PER3: variants seen among roughly 807,000 people sequenced by gnomAD.
The protein encoded by PER3 is period circadian protein homolog 3.
Under a neutral mutation model 127.2 loss-of-function variants are expected in PER3, and 107 were observed. That is an observed-to-expected ratio of 0.84 (90% CI 0.72 to 0.99). The LOEUF (loss-of-function observed/expected upper bound fraction) is 0.99, where lower values mean the gene tolerates loss of function less well. PER3 is among the 50% of genes least tolerant of loss of function. The pLI, the probability that PER3 is intolerant of heterozygous loss-of-function variation, is 0.00. For synonymous variants in PER3, 618 were observed against 585.8 expected (o/e 1.05, Z -0.79); for missense variants, 1,560 against 1,525.8 (o/e 1.02, Z -0.37).
At position 7,839,116 on chromosome 1, in the gene PER3, A is replaced by G. The variant is rs544786941; in HGVS notation, c.3549+1967A>G. Among the ~76,000 whole-genome samples, 4 of 151,988 alleles carry G rather than the reference A, an allele frequency of 2.6e-5. No homozygotes were observed. In the South Asian group the frequency reaches 8.3e-4, roughly 31 times the overall value. On this transcript the variant is annotated intron_variant, in intron 21 of 21. Transcript: ENST00000377532. ...TTCCTGTTGTGTATATTGTGTAGCT[A>G]TTTTCATTGCGATAACCATGGGGAT...
chr1:7,784,922 G>T lies in PER3; in HGVS notation c.45G>T (p.Lys15Asn). Residue 15 changes from lysine (K) to asparagine (N), a missense_variant, in exon 2 of 22, where the codon AAG becomes AAT. Coordinates refer to ENST00000377532, the MANE Select transcript of PER3 (RefSeq NM_001377275.1). ...CTGGCCCCGGGAGACGGGGGGCTAA[G>T]GACGAGGCCCTGGGCGAAGAATCGG... ...EAPGPGRRGA[K>N]DEALGEESGE... 6.5e-7 allele frequency: 1 copy of T among 1,534,340 alleles called. No individual in the cohort carries two copies. Among genetic ancestry groups the T allele is most frequent in the Admixed American group, 2.5e-5 (1 of 40,270 alleles).
rs34144861 is a variant in PER3, at chr1:7,815,991, CAAAAAAAA to C, written c.1523-3275_1523-3268del. On this transcript the variant is annotated intron_variant, in intron 13 of 21. Transcript: ENST00000377532. ...CTGGGCGACAGAGCGGACTCCGTCT[CAAAAAAAA>C]AAAAAAAAAAAAAAAAAATTGAATT... 9.0e-3 allele frequency among the ~76,000 whole-genome samples: 607 copies of C among 67,688 alleles called. 8 individuals carry two copies. The highest frequency in any genetic ancestry group is 0.041 in the African/African-American group (558 of 13,758). 44.4% of individuals were successfully genotyped at this position (67,688 alleles called of 152,430 possible). A position where few individuals can be genotyped will look rare whatever the true frequency, so the allele number is the denominator to read the frequency against.
At chr1:7,806,377 C>T (rs1210224276) in intron 10 of PER3, among the ~76,000 whole-genome samples, 1 of 152,172 alleles carries the variant, frequency 6.6e-6, no homozygotes, top group Non-Finnish European at 1.5e-5. Context: ...TTCTCTCTTA[C>T]TCCTACTTCA....
chr1:7,837,040 A>G lies in PER3; in HGVS notation c.3440A>G (p.Glu1147Gly), dbSNP rs2097361970. 4 of 1,614,034 alleles carry G rather than the reference A, an allele frequency of 2.5e-6. No homozygotes were observed. The highest frequency in any genetic ancestry group is 3.4e-6 in the Non-Finnish European group (4 of 1,179,944). Residue 1147 changes from glutamate (E) to glycine (G), a missense_variant, in exon 21 of 22, where the codon GAA (glutamate) becomes GGA (glycine). Physicochemically the swap from Glu to Gly is moderately conservative, Grantham distance 98. Coordinates refer to ENST00000377532, the MANE Select transcript of PER3 (RefSeq NM_001377275.1). ...VVLKEDLEKLESMRQQQPQFS... is the reference protein window; with the variant it reads ...VVLKEDLEKLGSMRQQQPQFS... ...CTAAAAGAAGACCTGGAAAAGCTAG[A>G]AAGTATGAGGCAGCAGCAGCCCCAG...
intron 6 of PER3, among the ~76,000 whole-genome samples, chr1:7,797,636 TAAAAAAA>T (rs34920317): frequency 7.9e-6 from 1 of 126,666 alleles, no homozygotes; most frequent in Admixed American, 7.8e-5. Context: ...ACTCCGTCTT[TAAAAAAA>T]AAAAAAAAAG....
intron 21 of PER3, among the ~76,000 whole-genome samples, chr1:7,837,638 AT>A (rs1174795486): frequency 6.6e-6 from 1 of 152,230 alleles, no homozygotes; most frequent in Middle Eastern, 3.2e-3. Flanking sequence ...TTATTTGTGA[AT>A]AGCCTGAACA....
At position 7,830,122 on chromosome 1, in the gene PER3, C is replaced by T; in HGVS notation, c.3175C>T (p.Pro1059Ser). ...TATVLSTGSP[P>S]SESPSRTGSA... ...CACTGTTCTGTCCACGGGGTCACCT[C>T]CCAGCGAATCCCCATCCAGAACTGG... is the stretch of plus-strand genomic sequence containing the variant. The change falls in exon 19 of 22, where the codon CCC becomes TCC. Residue 1059 changes from proline to serine, a missense_variant. By Grantham distance (74) the Pro-to-Ser change is moderately conservative. Coordinates refer to ENST00000377532, the MANE Select transcript of PER3 (RefSeq NM_001377275.1). The T allele has an allele frequency of 6.2e-7, 1 of 1,614,200 alleles. No homozygotes were observed. Among genetic ancestry groups the T allele is most frequent in the Non-Finnish European group, 8.5e-7 (1 of 1,180,014 alleles).
rs2097403922 is a variant in PER3, at chr1:7,844,769, G to A, written c.*2014G>A. 6.5e-6 allele frequency: 1 copy of A among 152,752 alleles called. No homozygotes were observed. The highest frequency in any genetic ancestry group is 2.4e-5 in the African/African-American group (1 of 41,472). The allele number at this position is 152,752 out of a possible 1,614,324, so 9.5% of individuals were successfully genotyped here. ...CACTCCCAGGTTGCACCTGCTGCTG[G>A]CGGTGAGCAGGGGGTTCAGCAGCTT... On this transcript the variant is annotated 3_prime_UTR_variant, in exon 22 of 22. Transcript: ENST00000377532.
At chr1:7,800,235 C>G (rs1218814673) in intron 7 of PER3, among the ~76,000 whole-genome samples, 1 of 146,678 alleles carries the variant, frequency 6.8e-6, no homozygotes, top group Non-Finnish European at 1.5e-5. Flanking sequence ...TTTCTTGAGT[C>G]TCGCTCTGTT....
intron 21 of PER3, among the ~76,000 whole-genome samples, chr1:7,842,446 G>A (rs559191743): frequency 1.3e-5 from 2 of 152,040 alleles, no homozygotes; most frequent in African/African-American, 4.8e-5. Context: ...GTTGCAGTGA[G>A]CTGAGATCGC....
In PER3 at chr1:7,803,760, T is replaced by G; in HGVS notation, c.1048T>G (p.Tyr350Asp). The G allele has an allele frequency of 6.2e-7, 1 of 1,611,302 alleles. No homozygotes were observed. Among genetic ancestry groups the G allele is most frequent in the Non-Finnish European group, 8.5e-7 (1 of 1,177,354 alleles). ...TCGATTTTGTACTCAAAACGGAGACTACATCATACTGGATTCCAGTTGGTC... is the reference window on the plus strand; with the variant it reads ...TCGATTTTGTACTCAAAACGGAGACGACATCATACTGGATTCCAGTTGGTC... ...PIRFCTQNGD[Y>D]IILDSSWSSF... The change falls in exon 10 of 22, where the codon TAC becomes GAC. Residue 350 changes from tyrosine (Y) to aspartate (D), a missense_variant. Physicochemically the swap from Tyr to Asp is radical, Grantham distance 160. Coordinates refer to ENST00000377532, the MANE Select transcript of PER3 (RefSeq NM_001377275.1).
intron 11 of PER3, among the ~76,000 whole-genome samples, chr1:7,809,395 G>A (rs2097209300): frequency 6.6e-6 from 1 of 152,114 alleles, no homozygotes; most frequent in Non-Finnish European, 1.5e-5. Flanking sequence ...TGTATGTGTT[G>A]AAATAACTAA....
chr1:7,812,217 T>G (rs374371304), intron 13 of PER3, among the ~76,000 whole-genome samples: 173 of 152,284 alleles, frequency 1.1e-3, no homozygotes, highest in African/African-American at 4.1e-3. Flanking sequence ...ACTTGCTGCA[T>G]TATTCAGTTT....
intron 19 of PER3, among the ~76,000 whole-genome samples, chr1:7,834,315 G>A (rs954646947): frequency 1.3e-5 from 2 of 152,054 alleles, no homozygotes; most frequent in East Asian, 1.9e-4. Flanking sequence ...ACCTTAAGAC[G>A]GAGTACTTCC....
chr1:7,792,937 G>C (rs1218627877), intron 5 of PER3, among the ~76,000 whole-genome samples: 2 of 152,198 alleles, frequency 1.3e-5, no homozygotes, highest in African/African-American at 4.8e-5. Context: ...CTGGTGTGAT[G>C]AATAAATGGT....
intron 19 of PER3, among the ~76,000 whole-genome samples, chr1:7,833,449 G>A (rs969285667): frequency 6.6e-6 from 1 of 152,090 alleles, no homozygotes; most frequent in Admixed American, 6.5e-5. Flanking sequence ...CTTTTATTAG[G>A]TGCATATACA....
chr1:7,816,314 G>C (rs2097251206), intron 13 of PER3, among the ~76,000 whole-genome samples: 1 of 151,978 alleles, frequency 6.6e-6, no homozygotes, highest in Non-Finnish European at 1.5e-5. Context: ...GAAAAGAAAG[G>C]AAGGACAGGT....
In PER3 at chr1:7,803,087, G is replaced by A. The variant is rs1265152257; in HGVS notation, c.913G>A (p.Gly305Arg). 6.2e-7 allele frequency: 1 copy of A among 1,613,600 alleles called. No homozygotes were observed. Among genetic ancestry groups the A allele is most frequent in the South Asian group, 1.1e-5 (1 of 91,076 alleles). Residue 305 changes from glycine (G) to arginine (R), a missense_variant, in exon 9 of 22, where the codon GGA becomes AGA. By Grantham distance (125) the Gly-to-Arg change is moderately radical. Transcript: ENST00000377532. ...GGGTTACCTACCTCAGGACCTGATT[G>A]GAACATCGATCCTAAGCTACCTGCA... is the stretch of plus-strand genomic sequence containing the variant. Reference protein sequence around the residue: ...LLGYLPQDLIGTSILSYLHPE... With the variant: ...LLGYLPQDLIRTSILSYLHPE...
intron 16 of PER3, among the ~76,000 whole-genome samples, chr1:7,823,020 T>C (rs2097284558): frequency 6.6e-6 from 1 of 152,096 alleles, no homozygotes; most frequent in South Asian, 2.1e-4. Context: ...CTACAGTGAG[T>C]TCTGATCACA....
Sources: gnomAD v4.1 joint callset for allele counts (sites outside exome capture counted in the v4.1 genomes callset) on GRCh38, gnomAD v4.1.1 for gene constraint, MANE v1.5 for transcripts, NCBI Gene and HGNC (gene_info 2026-07-23, HGNC 2026-07-21) for gene names.